The following CALN1 variants were observed in gnomAD, a reference collection of about 807,000 sequenced individuals.
The protein encoded by CALN1 is calcium-binding protein 8.
Under a neutral mutation model 30.6 loss-of-function variants are expected in CALN1, and 17 were observed. The ratio of observed to expected loss-of-function variants is 0.56; its 90% CI spans 0.38 to 0.83. CALN1 has a LOEUF of 0.83. CALN1 is among the 40% of genes least tolerant of loss of function. CALN1 has a pLI of 0.00. For synonymous variants in CALN1, 156 were observed against 131.4 expected (o/e 1.19, Z -1.28); for missense variants, 291 against 354.9 (o/e 0.82, Z 1.45).
chr7:72,238,300 C>T (rs1794609041), intron 3 of CALN1, among the ~76,000 whole-genome samples: 1 of 152,018 alleles, frequency 6.6e-6, no homozygotes, highest in African/African-American at 2.4e-5. Flanking sequence ...TCCAGAGAAA[C>T]AAATGTCTAT....
chr7:71,884,071 G>A (rs939040862), intron 5 of CALN1, among the ~76,000 whole-genome samples: 13 of 151,978 alleles, frequency 8.6e-5, no homozygotes, highest in African/African-American at 1.5e-4. Context: ...GCGCCACCAC[G>A]CCCAGCTAAT....
chr7:72,396,070 G>A (rs548877901), intron 2 of CALN1, among the ~76,000 whole-genome samples: 36 of 151,754 alleles, frequency 2.4e-4, no homozygotes, highest in Non-Finnish European at 3.8e-4. Context: ...GCAAACTGAT[G>A]GGAGCAGAGG....
At chr7:72,287,298 A>G (rs548122749) in intron 2 of CALN1, among the ~76,000 whole-genome samples, 2 of 152,218 alleles carry the variant, frequency 1.3e-5, no homozygotes, top group South Asian at 4.2e-4. Flanking sequence ...TACATAGAAT[A>G]TATTGTATCA....
At chr7:72,097,336 A>G (rs1265900121) in intron 4 of CALN1, among the ~76,000 whole-genome samples, 1 of 152,230 alleles carries the variant, frequency 6.6e-6, no homozygotes, top group Non-Finnish European at 1.5e-5. Flanking sequence ...TGCAGAAATC[A>G]GTCAAATACA....
intron 3 of CALN1, among the ~76,000 whole-genome samples, chr7:72,230,548 CAGAG>C (rs3032181): frequency 6.6e-6 from 1 of 150,898 alleles, no homozygotes; most frequent in Admixed American, 6.6e-5. Flanking sequence ...GTAGGAGAGT[CAGAG>C]AGAGAGATCT....
chr7:72,154,055 G>A (rs1787467209), intron 3 of CALN1, among the ~76,000 whole-genome samples: 1 of 152,076 alleles, frequency 6.6e-6, no homozygotes, highest in Admixed American at 6.6e-5. Context: ...TGGATCTCAT[G>A]ATGAGATGTC....
intron 4 of CALN1, among the ~76,000 whole-genome samples, chr7:72,065,572 T>C (rs1293306906): frequency 6.6e-6 from 1 of 152,154 alleles, no homozygotes; most frequent in African/African-American, 2.4e-5. Flanking sequence ...CATTACAGTA[T>C]GTATTCTGGA....
chr7:72,158,978 G>C (rs1480927377), intron 3 of CALN1, among the ~76,000 whole-genome samples: 1 of 151,978 alleles, frequency 6.6e-6, no homozygotes, highest in Non-Finnish European at 1.5e-5. Context: ...TCAGCCTCCT[G>C]AGTAGCTGGG....
At chr7:72,451,415 A>G, upstream of CALN1, among the ~76,000 whole-genome samples, 1 of 68,036 alleles carries the variant, frequency 1.5e-5, no homozygotes, top group African/African-American at 5.5e-5. Context: ...GGGGAGTAGG[A>G]GGGGGATTTG....
intron 3 of CALN1, among the ~76,000 whole-genome samples, chr7:72,139,675 C>G (rs1357085728): frequency 6.6e-6 from 1 of 152,112 alleles, no homozygotes; most frequent in Non-Finnish European, 1.5e-5. Flanking sequence ...TGTCCACCCT[C>G]TTCTAAGCTC....
chr7:72,039,636 C>T (rs1802005949), intron 4 of CALN1, among the ~76,000 whole-genome samples: 1 of 152,232 alleles, frequency 6.6e-6, no homozygotes, highest in Non-Finnish European at 1.5e-5. Flanking sequence ...ACCACCACCA[C>T]TCTTATTGAG....
rs141354034 is a variant in CALN1, at chr7:71,932,047, G to A, written c.501+91610C>T. ...GTGGTAGCTTCTGGATTCAGCAAAC[G>A]GCTCACTGAATCACCAGCTTTTCTG... On this transcript the variant is annotated intron_variant, in intron 5 of 6. Coordinates refer to ENST00000395275, the MANE Select transcript of CALN1 (RefSeq NM_031468.4). 7.0e-3 allele frequency among the ~76,000 whole-genome samples: 1,065 copies of A among 152,218 alleles called. 12 individuals carry two copies. The highest frequency in any genetic ancestry group is 0.024 in the African/African-American group (1,014 of 41,522).
chr7:72,326,154 G>A (rs754182577), intron 2 of CALN1, among the ~76,000 whole-genome samples: 22 of 152,130 alleles, frequency 1.4e-4, no homozygotes, highest in African/African-American at 5.3e-4. Flanking sequence ...CCGCCTGCCT[G>A]GGCCTCCCAA....
chr7:71,798,756 G>T (rs1359472662), intron 6 of CALN1, among the ~76,000 whole-genome samples: 1 of 151,434 alleles, frequency 6.6e-6, no homozygotes, highest in Non-Finnish European at 1.5e-5. Flanking sequence ...CAAGTAGCTG[G>T]GATTACAGGC....
chr7:72,345,411 AAG>A (rs1272299151), intron 2 of CALN1, among the ~76,000 whole-genome samples: 6 of 3,446 alleles, frequency 1.7e-3, no homozygotes, highest in Non-Finnish European at 0.011. Context: ...GGAAAGAAAG[AAG>A]AGAAAGGAAA....
intron 5 of CALN1, among the ~76,000 whole-genome samples, chr7:71,870,774 A>C (rs905989773): frequency 2.0e-5 from 3 of 152,214 alleles, no homozygotes; most frequent in African/African-American, 7.2e-5. Flanking sequence ...ACGAAGCATA[A>C]AATGTGGTTA....
chr7:72,279,882 C>T (rs1585345595), intron 2 of CALN1, among the ~76,000 whole-genome samples: 1 of 152,198 alleles, frequency 6.6e-6, no homozygotes, highest in South Asian at 2.1e-4. Flanking sequence ...TTAGGGCCAA[C>T]AGGCAGGAAG....
chr7:71,883,547 T>C (rs1174274639), intron 5 of CALN1, among the ~76,000 whole-genome samples: 1 of 152,148 alleles, frequency 6.6e-6, no homozygotes, highest in Admixed American at 6.5e-5. Context: ...AGGAACATAA[T>C]GAGCAGGAAG....
chr7:72,328,826 G>C (rs1801462015), intron 2 of CALN1, among the ~76,000 whole-genome samples: 1 of 152,204 alleles, frequency 6.6e-6, no homozygotes, highest in Non-Finnish European at 1.5e-5. Context: ...CTCCCAAGGA[G>C]CTGGGATTAC....
Sources: gnomAD v4.1 joint callset for allele counts (sites outside exome capture counted in the v4.1 genomes callset) on GRCh38, gnomAD v4.1.1 for gene constraint, MANE v1.5 for transcripts, NCBI Gene and HGNC (gene_info 2026-07-23, HGNC 2026-07-21) for gene names.